The following DGKB variants were observed in gnomAD, a reference collection of about 807,000 sequenced individuals.
The protein encoded by DGKB is diacylglycerol kinase beta.
In DGKB, 67 loss-of-function variants were observed where a neutral mutation model predicts 114.3. That is an observed-to-expected ratio of 0.59 (90% confidence interval 0.48 to 0.72). DGKB has a LOEUF of 0.72. DGKB is among the 30% of genes least tolerant of loss of function. The pLI is 0.00. For missense variants in DGKB, 907 were observed against 975.2 expected, an observed-to-expected ratio of 0.93 and a Z score of 0.93; for synonymous variants, 398 against 323.1, an observed-to-expected ratio of 1.23 and a Z score of -2.49.
intron 1 of DGKB, among the ~76,000 whole-genome samples, chr7:14,974,374 T>C (rs2115318942): frequency 6.6e-6 from 1 of 152,230 alleles, no homozygotes; most frequent in African/African-American, 2.4e-5. Context: ...AATCTTTGCT[T>C]AATTAAAAAA....
At chr7:14,935,598 C>T (rs1332601349) in intron 1 of DGKB, among the ~76,000 whole-genome samples, 4 of 152,084 alleles carry the variant, frequency 2.6e-5, no homozygotes, top group Admixed American at 6.6e-5. Context: ...TTACTATGTA[C>T]ATGATGATCT....
chr7:14,724,880 T>C (rs1829787275), intron 5 of DGKB, among the ~76,000 whole-genome samples: 1 of 152,178 alleles, frequency 6.6e-6, no homozygotes, highest in Non-Finnish European at 1.5e-5. Context: ...CCAATAAAAT[T>C]TTCTGAAGGC....
At chr7:14,870,101 G>T (rs1170738227) in intron 1 of DGKB, among the ~76,000 whole-genome samples, 8 of 152,058 alleles carry the variant, frequency 5.3e-5, no homozygotes, top group African/African-American at 1.9e-4. Context: ...CACATGTATG[G>T]ATTCCATTGC....
chr7:14,398,145 C>A (rs948003024), intron 21 of DGKB, among the ~76,000 whole-genome samples: 1 of 152,078 alleles, frequency 6.6e-6, no homozygotes, highest in Admixed American at 6.6e-5. Flanking sequence ...TTGATCTCAT[C>A]CTCTTGAATG....
intron 23 of DGKB, among the ~76,000 whole-genome samples, chr7:14,279,504 G>A (rs10228492): frequency 0.75 from 114,758 of 152,164 alleles, 44,273 homozygotes; most frequent in South Asian, 0.86. Context: ...TGGAGAGAGC[G>A]GTGGTTCTCC....
intron 21 of DGKB, 119 bp downstream of exon 21, chr7:14,478,042 A>ACG (rs890059071): frequency 2.8e-5 from 16 of 570,840 alleles, no homozygotes; most frequent in Admixed American, 1.6e-4. Context: ...ACACACACAC[A>ACG]CACGCACACA....
intron 21 of DGKB, among the ~76,000 whole-genome samples, chr7:14,410,486 C>T (rs903465637): frequency 6.8e-4 from 103 of 152,036 alleles, no homozygotes; most frequent in African/African-American, 2.1e-3. Context: ...TATAACCAAA[C>T]GTATTTATAT....
intron 13 of DGKB, among the ~76,000 whole-genome samples, chr7:14,652,290 A>C (rs1158120111): frequency 6.6e-6 from 1 of 152,210 alleles, no homozygotes. Context: ...CGGTACTGGT[A>C]CCAAAACAGA....
chr7:14,554,000 G>C (rs537306719), intron 20 of DGKB, among the ~76,000 whole-genome samples: 1 of 149,082 alleles, frequency 6.7e-6, no homozygotes, highest in South Asian at 2.2e-4. Flanking sequence ...AGCCTCCCGA[G>C]TAGCTGGGAC....
chr7:14,244,095 T>C (rs1338204502), intron 23 of DGKB, among the ~76,000 whole-genome samples: 1 of 151,992 alleles, frequency 6.6e-6, no homozygotes, highest in Non-Finnish European at 1.5e-5. Flanking sequence ...GTGCTTATTA[T>C]CACATAAGGG....
Position 14,621,404 on chromosome 7 carries a change from C to A in DGKB, c.1258G>T (p.Val420Phe). 6.2e-7 allele frequency: 1 copy of A among 1,610,558 alleles called. No individual in the cohort carries two copies. The highest frequency in any genetic ancestry group is 8.5e-7 in the Non-Finnish European group (1 of 1,177,918). Residue 420 changes from valine to phenylalanine, a missense_variant, in exon 15 of 26, where the codon GTT becomes TTT. Val to Phe is a conservative substitution (Grantham distance 50). Around this residue, in one of 3 missense-constraint regions of DGKB, gnomAD observed 814 missense variants for 856.6 expected, o/e 0.95. Coordinates refer to ENST00000402815, the MANE Select transcript of DGKB (RefSeq NM_001350709.2). ...TGCAGGCCTTGTCCATCTACAGTAA[C>A]AGAGTTGGCTCTTTGCATTTTATTC... ...DKNKMQRANS[V>F]TVDGQGLQVT...
intron 23 of DGKB, among the ~76,000 whole-genome samples, chr7:14,189,237 C>G (rs1346415758): frequency 3.3e-5 from 5 of 152,068 alleles, no homozygotes; most frequent in African/African-American, 1.2e-4. Context: ...GAACACACCA[C>G]AGATAAAGAA....
chr7:14,500,019 C>T (rs945344029), intron 20 of DGKB, among the ~76,000 whole-genome samples: 1 of 151,832 alleles, frequency 6.6e-6, no homozygotes, highest in African/African-American at 2.4e-5. Context: ...CTACTATAAC[C>T]TAAACAGGTT....
At chr7:14,552,961 G>T (rs114313057) in intron 20 of DGKB, among the ~76,000 whole-genome samples, 2 of 152,166 alleles carry the variant, frequency 1.3e-5, no homozygotes, top group Non-Finnish European at 2.9e-5. Flanking sequence ...AAGAGCCAGT[G>T]GTCTTAAGGC....
intron 2 of DGKB, among the ~76,000 whole-genome samples, chr7:14,837,613 T>A (rs1243894439): frequency 6.6e-6 from 1 of 152,176 alleles, no homozygotes; most frequent in Admixed American, 6.5e-5. Context: ...CAAATCAAAC[T>A]CAAGAAAGTG....
chr7:14,859,286 A>G (rs1412517934), intron 1 of DGKB, among the ~76,000 whole-genome samples: 1 of 152,148 alleles, frequency 6.6e-6, no homozygotes, highest in South Asian at 2.1e-4. Context: ...AGAGGAAGGT[A>G]AAAAGGGAGG....
intron 23 of DGKB, among the ~76,000 whole-genome samples, chr7:14,296,930 C>A (rs574427567): frequency 1.3e-5 from 2 of 152,172 alleles, no homozygotes; most frequent in Admixed American, 1.3e-4. Flanking sequence ...ATAAACACAT[C>A]TACGCAAATA....
intron 2 of DGKB, among the ~76,000 whole-genome samples, chr7:14,792,334 T>A (rs1272000903): frequency 1.3e-5 from 2 of 152,144 alleles, no homozygotes; most frequent in African/African-American, 4.8e-5. Context: ...TAAAATAGCC[T>A]TTATTATCAC....
At chr7:14,752,855 G>C (rs763772661) in intron 4 of DGKB, among the ~76,000 whole-genome samples, 15 of 152,122 alleles carry the variant, frequency 9.9e-5, no homozygotes, top group Non-Finnish European at 1.6e-4. Context: ...GACTACATTA[G>C]AGTAAATGAA....
Sources: allele counts gnomAD v4.1 joint callset (sites outside exome capture counted in the v4.1 genomes callset), GRCh38; gene constraint gnomAD v4.1.1; regional missense constraint gnomAD v4.1.1; transcripts MANE v1.5; gene names NCBI Gene and HGNC (gene_info 2026-07-23, HGNC 2026-07-21).